The following ZNF461 variants were observed in gnomAD, a reference collection of about 807,000 sequenced individuals.
ZNF461 encodes gonadotropin-inducible ovarian transcription factor-1.
In ZNF461, 16 loss-of-function variants were observed where a neutral mutation model predicts 18.3. The observed-to-expected ratio is 0.88, with a 90% confidence interval of 0.59 to 1.33. The LOEUF (loss-of-function observed/expected upper bound fraction) is 1.33. ZNF461 is among the 40% of genes most tolerant of loss of function. The probability of loss-of-function intolerance (pLI) is 0.00; values close to 1 mark genes in which losing one functional copy is unlikely to be tolerated. For synonymous variants in ZNF461, 179 were observed against 216.9 expected (o/e 0.83, Z 1.54); for missense variants, 595 against 669.9 (o/e 0.89, Z 1.23).
chr19:36,648,885 T>C (rs1050222401), intron 4 of ZNF461, among the ~76,000 whole-genome samples: 1 of 152,068 alleles, frequency 6.6e-6, no homozygotes, highest in East Asian at 1.9e-4. Flanking sequence ...CCAGCCTCAT[T>C]GTGGTTGTGA....
chr19:36,664,789 G>C lies in ZNF461; in HGVS notation c.-80-3C>G. The C allele has an allele frequency of 4.8e-6, 5 of 1,036,444 alleles. No individual in the cohort carries two copies. The highest frequency in any genetic ancestry group is 6.7e-6 in the Non-Finnish European group (5 of 747,826). 64.2% of individuals were successfully genotyped at this position (1,036,444 alleles called of 1,614,324 possible). A position where few individuals can be genotyped will look rare whatever the true frequency, so the allele number is the denominator to read the frequency against. On this transcript the variant is annotated splice_polypyrimidine_tract_variant and splice_region_variant and intron_variant, in intron 1 of 5. Transcript: ENST00000588268. ...AACTCAATCCAAAGAAGGTGTTGCT[G>C]GGAGAGAGGGGAGTTAAAAAAAAGA...
At chr19:36,643,939 C>A in intron 4 of ZNF461, 77 bp from the exon 5 acceptor site, 2 of 1,199,906 alleles carry the variant, frequency 1.7e-6, no homozygotes, top group Non-Finnish European at 2.2e-6. Context: ...ATATCTATTT[C>A]TTTTTCTTTT....
In ZNF461 at chr19:36,638,766, A is replaced by G. The variant is rs2037346602; in HGVS notation, c.1579T>C (p.Cys527Arg). ...AATCTATGATTAAACGCCTTCCCGC[A>G]TTGATAAGGTTTCTTTCCAGAATGA... The part of the protein sequence containing the change: ...RIHSGKKPYQ[C>R]GKAFNHRLQL... Residue 527 changes from cysteine to arginine, a missense_variant, in exon 6 of 6, where the codon TGC (cysteine) becomes CGC (arginine). Transcript: ENST00000588268. 2 of 1,614,054 alleles carry G rather than the reference A, an allele frequency of 1.2e-6. No individual in the cohort carries two copies. The highest frequency in any genetic ancestry group is 1.3e-5 in the African/African-American group (1 of 74,930).
rs893648736 is a variant in ZNF461, at chr19:36,645,365, A to G, written c.233-1503T>C. On this transcript the variant is annotated intron_variant, in intron 4 of 5. Transcript: ENST00000588268. ...CAAGAAAATTTTTTAAAGTGTTTAC[A>G]TATTTAATAAATACTTTTTTCTATT... 2.6e-5 allele frequency: 4 copies of G among 152,220 alleles called. No homozygotes were observed. The South Asian group carries it at 8.3e-4, about 32-fold the overall frequency. 9.4% of individuals were successfully genotyped at this position (152,220 alleles called of 1,614,324 possible). A position where few individuals can be genotyped will look rare whatever the true frequency, so the allele number is the denominator to read the frequency against.
chr19:36,643,509 C>T (rs2037466642), intron 5 of ZNF461: 1 of 193,184 alleles, frequency 5.2e-6, no homozygotes, highest in East Asian at 1.3e-4. Flanking sequence ...GTACCTGAGA[C>T]CCTATCAGGA....
chr19:36,655,527 A>G (rs2145401910), intron 4 of ZNF461, among the ~76,000 whole-genome samples: 1 of 152,286 alleles, frequency 6.6e-6, no homozygotes, highest in South Asian at 2.1e-4. Flanking sequence ...TGAGCCAGGG[A>G]GGCAGAGGTT....
chr19:36,642,452 C>T (rs961706692), intron 5 of ZNF461, among the ~76,000 whole-genome samples: 2 of 152,036 alleles, frequency 1.3e-5, no homozygotes, highest in Non-Finnish European at 2.9e-5. Flanking sequence ...GGTCTCTCTA[C>T]ATGGTGTGTC....
At chr19:36,651,233 G>GAAAAAAAAAAAAAAAAAAAAAAAA (rs34091845) in intron 4 of ZNF461, among the ~76,000 whole-genome samples, 1 of 82,898 alleles carries the variant, frequency 1.2e-5, no homozygotes. Flanking sequence ...TCCGTCTCAG[G>GAAAAAAAAAAAAAAAAAAAAAAAA]AAAAAAAAAA....
chr19:36,643,772 T>TA, intron 5 of ZNF461, 22 bp downstream of exon 5: 3 of 1,513,364 alleles, frequency 2.0e-6, no homozygotes, highest in Non-Finnish European at 1.8e-6. Flanking sequence ...ACTGTACTCT[T>TA]AAAAACTGTA....
intron 4 of ZNF461, among the ~76,000 whole-genome samples, chr19:36,650,054 A>C (rs2037599773): frequency 6.6e-6 from 1 of 152,120 alleles, no homozygotes; most frequent in Admixed American, 6.6e-5. Context: ...GGGTACCTGT[A>C]ATCCCAGCTA....
chr19:36,638,769 G>A lies in ZNF461; in HGVS notation c.1576C>T (p.Gln526Ter). The part of the protein sequence containing the change: ...QRIHSGKKPY[Q>*]CGKAFNHRLQ... The stretch of plus-strand genomic sequence containing the variant: ...CTATGATTAAACGCCTTCCCGCATT[G>A]ATAAGGTTTCTTTCCAGAATGAATT... The change falls in exon 6 of 6, where the codon CAA becomes TAA. Residue 526 changes from glutamine to a stop codon, truncating the protein, a stop_gained. Transcript: ENST00000588268. LOFTEE classifies it low-confidence loss of function (END_TRUNC). The A allele has an allele frequency of 6.2e-7, 1 of 1,614,140 alleles. No individual in the cohort carries two copies.
intron 4 of ZNF461, among the ~76,000 whole-genome samples, chr19:36,653,028 A>G (rs1243801626): frequency 2.0e-5 from 3 of 152,222 alleles, no homozygotes; most frequent in Admixed American, 6.5e-5. Context: ...AATTAAAACC[A>G]CAATAAGATA....
At position 36,639,426 on chromosome 19, in the gene ZNF461, C is replaced by T. The variant is rs1471682636; in HGVS notation, c.919G>A (p.Gly307Arg). 1.9e-6 allele frequency: 3 copies of T among 1,613,962 alleles called. No individual in the cohort carries two copies. In the Admixed American group the frequency reaches 5.0e-5, roughly 27 times the overall value. The change falls in exon 6 of 6, where the codon GGG (glycine) becomes AGG (arginine). Residue 307 changes from glycine to arginine, a missense_variant. Gly to Arg is a moderately radical substitution (Grantham distance 125). Transcript: ENST00000588268. ...TGTGATCGCTGTCTAAAGGCCTTCC[C>T]ACATTCTTTACATTCATAAGGTTTC... ...GEKPYECKEC[G>R]KAFRQRSQLT...
chr19:36,639,560 T>C lies in ZNF461; in HGVS notation c.785A>G (p.Lys262Arg). The C allele has an allele frequency of 6.2e-7, 1 of 1,613,176 alleles. No homozygotes were observed. Among genetic ancestry groups the C allele is most frequent in the Non-Finnish European group, 8.5e-7 (1 of 1,179,376 alleles). ...WKAFVHCSQL[K>R]HLRIHNGEKR... ...TTCACCATTATGAATTCTTAGATGT[T>C]TAAGTTGTGAGCAATGAACAAAGGC... Residue 262 changes from lysine to arginine, a missense_variant, in exon 6 of 6, where the codon AAA becomes AGA. Lys to Arg is a conservative substitution (Grantham distance 26, BLOSUM62 2). Transcript: ENST00000588268.
chr19:36,639,429 A>T lies in ZNF461; in HGVS notation c.916T>A (p.Cys306Ser). 1 of 1,614,076 alleles carries T rather than the reference A, an allele frequency of 6.2e-7. No individual in the cohort carries two copies. The highest frequency in any genetic ancestry group is 8.5e-7 in the Non-Finnish European group (1 of 1,179,992). The change falls in exon 6 of 6, where the codon TGT (cysteine) becomes AGT (serine). Residue 306 changes from cysteine to serine, a missense_variant. By Grantham distance (112) the Cys-to-Ser change is moderately radical. Coordinates refer to ENST00000588268, the MANE Select transcript of ZNF461 (RefSeq NM_153257.5). ...TGEKPYECKE[C>S]GKAFRQRSQL... ...GATCGCTGTCTAAAGGCCTTCCCAC[A>T]TTCTTTACATTCATAAGGTTTCTCA...
intron 4 of ZNF461, among the ~76,000 whole-genome samples, chr19:36,647,568 C>T (rs1034993876): frequency 3.9e-5 from 6 of 151,978 alleles, no homozygotes; most frequent in Non-Finnish European, 7.4e-5. Context: ...AAATAAATAA[C>T]ATTCTAATTT....
chr19:36,662,384 G>C (rs908040493), intron 2 of ZNF461, among the ~76,000 whole-genome samples: 4 of 151,914 alleles, frequency 2.6e-5, no homozygotes, highest in Non-Finnish European at 4.4e-5. Context: ...AGCCTCCCGA[G>C]TAGCTGGGAT....
chr19:36,643,269 C>CGGG (rs1340105735), intron 5 of ZNF461: 1 of 152,220 alleles, frequency 6.6e-6, no homozygotes. Flanking sequence ...CCAGGTTTAC[C>CGGG]TTACCCACCA....
intron 4 of ZNF461, among the ~76,000 whole-genome samples, chr19:36,656,237 G>A (rs1378914326): frequency 4.6e-5 from 7 of 151,980 alleles, no homozygotes; most frequent in East Asian, 1.9e-4. Context: ...TGCCCGCCTC[G>A]GCCTCCCAAA....
Sources: gnomAD v4.1 joint callset for allele counts (sites outside exome capture counted in the v4.1 genomes callset) on GRCh38, gnomAD v4.1.1 for gene constraint, MANE v1.5 for transcripts, NCBI Gene and HGNC (gene_info 2026-07-23, HGNC 2026-07-21) for gene names.